The following SECISBP2 variants were observed in gnomAD, a reference collection of about 807,000 sequenced individuals.
The protein encoded by SECISBP2 is SECIS binding protein 2.
SECISBP2 carries 96 observed loss-of-function variants against 98.2 expected under a neutral mutation model. The ratio of observed to expected loss-of-function variants is 0.98; its 90% CI spans 0.83 to 1.16. The LOEUF (loss-of-function observed/expected upper bound fraction) is 1.16. Among genes scored for constraint, SECISBP2 ranks in the 50% most tolerant of loss-of-function variants. SECISBP2 has a pLI of 0.00. For synonymous variants in SECISBP2, 407 were observed against 370.2 expected (o/e 1.10, Z -1.14); for missense variants, 1,046 against 1,022.9 (o/e 1.02, Z -0.31).
chr9:89,334,616 A>AAAG lies in SECISBP2; in HGVS notation c.977_979dup (p.Lys326dup). On this transcript the variant is annotated inframe_insertion, in exon 7 of 17. Transcript: ENST00000375807. Reference sequence around the variant, plus strand: ...AAAATGTTACTTCTATGATAAACTTAAAGACCATTGCTTCATCAGCAGATC... The same window carrying AAAG: ...AAAATGTTACTTCTATGATAAACTTAAAGAAGACCATTGCTTCATCAGCAGATC... 1 of 1,614,070 alleles carries AAAG rather than the reference A, an allele frequency of 6.2e-7. No individual in the cohort carries two copies. Among genetic ancestry groups the AAAG allele is most frequent in the East Asian group, 2.2e-5 (1 of 44,866 alleles).
intron 2 of SECISBP2, chr9:89,324,394 A>G (rs1377313823): frequency 7.2e-5 from 11 of 152,262 alleles, no homozygotes; most frequent in Admixed American, 7.2e-4. Context: ...AATCTAAGTT[A>G]ACATATCATG....
In SECISBP2 at chr9:89,348,060, T is replaced by G. The variant is rs1426634408; in HGVS notation, c.1603-19T>G. ...AGTACAAGTATTTAGGCATTTTAATTGTTTATTTAATTTTTAAGATTATTT... is the reference window on the plus strand; with the variant it reads ...AGTACAAGTATTTAGGCATTTTAATGGTTTATTTAATTTTTAAGATTATTT... On this transcript the variant is annotated intron_variant, in intron 11 of 16. Transcript: ENST00000375807. 1.3e-6 allele frequency: 2 copies of G among 1,599,870 alleles called. No individual in the cohort carries two copies. Among genetic ancestry groups the G allele is most frequent in the South Asian group, 2.2e-5 (2 of 90,122 alleles).
At chr9:89,320,337 C>G (rs1280544825) in intron 2 of SECISBP2, among the ~76,000 whole-genome samples, 1 of 116,922 alleles carries the variant, frequency 8.6e-6, no homozygotes, top group African/African-American at 3.4e-5. Context: ...GCCTGGCTGA[C>G]AGAGTGAGAC....
intron 7 of SECISBP2, among the ~76,000 whole-genome samples, chr9:89,335,446 C>T (rs944716083): frequency 1.3e-5 from 2 of 151,990 alleles, no homozygotes; most frequent in African/African-American, 4.8e-5. Flanking sequence ...AATTCTCCTG[C>T]CTCTGCCTCC....
chr9:89,323,110 G>A (rs916207326), intron 2 of SECISBP2: 1 of 152,086 alleles, frequency 6.6e-6, no homozygotes, highest in Non-Finnish European at 1.5e-5. Flanking sequence ...AAAAATATTC[G>A]GTTGAATACA....
At chr9:89,320,593 G>T (rs558939349) in intron 2 of SECISBP2, among the ~76,000 whole-genome samples, 3 of 152,164 alleles carry the variant, frequency 2.0e-5, no homozygotes, top group African/African-American at 7.2e-5. Context: ...GTTGACTTTT[G>T]CTTTCCACCT....
downstream of SECISBP2, chr9:89,359,775 G>C (rs987440422): frequency 6.6e-6 from 1 of 152,168 alleles, no homozygotes; most frequent in Non-Finnish European, 1.5e-5. Context: ...TGGGGGTTCT[G>C]CTATCCCCAG....
chr9:89,352,634 C>T (rs771821824), intron 14 of SECISBP2, among the ~76,000 whole-genome samples: 18 of 152,106 alleles, frequency 1.2e-4, no homozygotes, highest in Non-Finnish European at 2.2e-4. Context: ...TTCTCCAGTC[C>T]CTGCCAGCTC....
chr9:89,318,846 A>G (rs1257295710), intron 1 of SECISBP2: 8 of 1,272,798 alleles, frequency 6.3e-6, no homozygotes, highest in Non-Finnish European at 7.9e-6. Flanking sequence ...CTGTGGTGCG[A>G]TGTCACCCAG....
At chr9:89,352,492 G>A (rs1189043188) in intron 14 of SECISBP2, among the ~76,000 whole-genome samples, 6 of 152,198 alleles carry the variant, frequency 3.9e-5, no homozygotes, top group Non-Finnish European at 8.8e-5. Flanking sequence ...TTGATCCTTT[G>A]TGATCATTTT....
At chr9:89,355,630 A>C (rs1336281466) in intron 14 of SECISBP2, 2 of 884,738 alleles carry the variant, frequency 2.3e-6, no homozygotes, top group Non-Finnish European at 2.7e-6. Context: ...TAGGTGTTTT[A>C]TATATTGGTA....
At position 89,346,992 on chromosome 9, in the gene SECISBP2, A is replaced by G; in HGVS notation, c.1546A>G (p.Lys516Glu). Reference protein sequence around the residue: ...NPLDSSAPLMKKGKQREIPKA... With the variant: ...NPLDSSAPLMEKGKQREIPKA... ...CTTGGACTCCAGCGCCCCACTGATG[A>G]AGAAAGGGAAGCAGAGGGAGATCCC... is the stretch of plus-strand genomic sequence containing the variant. The change falls in exon 11 of 17, where the codon AAG becomes GAG. Residue 516 changes from lysine (K) to glutamate (E), a missense_variant. By Grantham distance (56) the Lys-to-Glu change is moderately conservative. Transcript: ENST00000375807. The G allele has an allele frequency of 6.2e-7, 1 of 1,614,202 alleles. No individual in the cohort carries two copies. Among genetic ancestry groups the G allele is most frequent in the Non-Finnish European group, 8.5e-7 (1 of 1,180,036 alleles).
intron 12 of SECISBP2, among the ~76,000 whole-genome samples, chr9:89,348,582 T>A (rs772382890): frequency 2.6e-5 from 4 of 152,232 alleles, no homozygotes; most frequent in Non-Finnish European, 5.9e-5. Context: ...CAATTGTGTG[T>A]TTTTAAGGAA....
At chr9:89,333,728 T>C (rs1445720953) in intron 6 of SECISBP2, among the ~76,000 whole-genome samples, 2 of 152,276 alleles carry the variant, frequency 1.3e-5, no homozygotes, top group Non-Finnish European at 2.9e-5. Flanking sequence ...GGCCAAGAAG[T>C]AATATTTTCA....
chr9:89,342,986 A>G (rs1259075946), intron 10 of SECISBP2, among the ~76,000 whole-genome samples: 1 of 152,254 alleles, frequency 6.6e-6, no homozygotes, highest in Non-Finnish European at 1.5e-5. Context: ...AATTGATCTT[A>G]TTAAAAGATG....
intron 10 of SECISBP2, among the ~76,000 whole-genome samples, chr9:89,345,183 G>A (rs1248931146): frequency 5.9e-5 from 9 of 152,200 alleles, no homozygotes; most frequent in Admixed American, 5.2e-4. Flanking sequence ...CCTGGACTCT[G>A]TGTAAGTCCC....
chr9:89,363,290 C>T, downstream of SECISBP2: 1 of 1,289,778 alleles, frequency 7.8e-7, no homozygotes, highest in Non-Finnish European at 1.0e-6. Context: ...TTGCAGATTT[C>T]ATAAAGGAAA....
At chr9:89,352,422 A>T (rs1411964825) in intron 14 of SECISBP2, among the ~76,000 whole-genome samples, 1 of 152,154 alleles carries the variant, frequency 6.6e-6, no homozygotes, top group East Asian at 1.9e-4. Context: ...GGTTTAGGAG[A>T]AAAGGATTCA....
chr9:89,343,706 G>T (rs989504891), intron 10 of SECISBP2, among the ~76,000 whole-genome samples: 3 of 152,228 alleles, frequency 2.0e-5, no homozygotes, highest in African/African-American at 7.2e-5. Flanking sequence ...ATTCCATGGT[G>T]TATATGTACC....
Sources: gnomAD v4.1 joint callset for allele counts (sites outside exome capture counted in the v4.1 genomes callset) on GRCh38, gnomAD v4.1.1 for gene constraint, MANE v1.5 for transcripts, NCBI Gene and HGNC (gene_info 2026-07-23, HGNC 2026-07-21) for gene names.